The following GCKR variants were observed in gnomAD, a reference collection of about 807,000 sequenced individuals.
The protein encoded by GCKR is glucokinase regulatory protein.
In GCKR, 73 loss-of-function variants were observed where a neutral mutation model predicts 82.9. The observed-to-expected ratio is 0.88, with a 90% CI of 0.73 to 1.07. The LOEUF is 1.07. GCKR is among the 50% of genes least tolerant of loss of function. The pLI is 0.00. For missense variants in GCKR, 784 were observed against 782.1 expected (o/e 1.00, Z -0.03); for synonymous variants, 294 against 291.8 (o/e 1.01, Z -0.08).
chr2:27,498,191 A>G, intron 3 of GCKR, 64 bp from the exon 4 acceptor site: 2 of 1,255,422 alleles, frequency 1.6e-6, no homozygotes, highest in Admixed American at 1.7e-5. Context: ...ACTGACAAAG[A>G]AAAGAATATT....
intron 8 of GCKR, 122 bp from the exon 9 acceptor site, chr2:27,503,392 G>C (rs543001391): frequency 4.0e-5 from 29 of 717,430 alleles, no homozygotes; most frequent in African/African-American, 1.4e-4. Flanking sequence ...GCATATGTCT[G>C]TATGAAGTTG....
In GCKR at chr2:27,523,292, C is replaced by A; in HGVS notation, c.1731C>A (p.Ser577Arg). ...KEQVIPIALL[S>R]LLFRCSITEA... ...AGGTGATACCCATCGCCTTGCTGAG[C>A]CTCCTATTCCGGTGCTCGATCACTG... Residue 577 changes from serine (S) to arginine (R), a missense_variant, in exon 19 of 19, where the codon AGC (serine) becomes AGA (arginine). Transcript: ENST00000264717. 3 of 1,612,972 alleles carry A rather than the reference C, an allele frequency of 1.9e-6. No individual in the cohort carries two copies. The highest frequency in any genetic ancestry group is 8.5e-7 in the Non-Finnish European group (1 of 1,179,818).
chr2:27,518,159 C>T (rs928253988), intron 16 of GCKR, among the ~76,000 whole-genome samples: 1 of 152,174 alleles, frequency 6.6e-6, no homozygotes, highest in Non-Finnish European at 1.5e-5. Flanking sequence ...GATTCTTGTG[C>T]CTCAGCCCCC....
intron 17 of GCKR, among the ~76,000 whole-genome samples, chr2:27,521,164 T>C (rs954872090): frequency 2.6e-5 from 4 of 152,176 alleles, no homozygotes; most frequent in African/African-American, 9.7e-5. Flanking sequence ...TTGCAAAATA[T>C]CTGACTAATA....
chr2:27,518,955 C>G lies in GCKR; in HGVS notation c.1572+18C>G. ...TGCTGCAGGTAGGGATATGATGGGG[C>G]AGGGTTGGGTGGGACCTGGCCTCAA... On this transcript the variant is annotated intron_variant, in intron 17 of 18. Transcript: ENST00000264717. The G allele has an allele frequency of 6.8e-7, 1 of 1,467,950 alleles. No individual in the cohort carries two copies. Among genetic ancestry groups the G allele is most frequent in the Non-Finnish European group, 9.4e-7 (1 of 1,060,304 alleles). 90.9% of individuals were successfully genotyped at this position (1,467,950 alleles called of 1,614,324 possible).
chr2:27,517,864 A>T (rs975509207), intron 16 of GCKR, among the ~76,000 whole-genome samples: 14 of 152,184 alleles, frequency 9.2e-5, no homozygotes, highest in African/African-American at 3.1e-4. Context: ...CAAAGTAGGA[A>T]ATGCCCTCAT....
intron 16 of GCKR, among the ~76,000 whole-genome samples, chr2:27,516,437 C>T (rs1458786669): frequency 7.3e-5 from 11 of 151,512 alleles, no homozygotes; most frequent in Non-Finnish European, 1.2e-4. Context: ...ATTACAGGCA[C>T]GCGCCACTAC....
chr2:27,507,566 G>A (rs1335682846), intron 13 of GCKR, 115 bp from the exon 14 acceptor site: 1 of 744,446 alleles, frequency 1.3e-6, no homozygotes, highest in Non-Finnish European at 2.5e-6. Context: ...TTGAACTTCA[G>A]CTCTTTCACC....
intron 16 of GCKR, among the ~76,000 whole-genome samples, chr2:27,510,461 A>G (rs1669855283): frequency 6.6e-6 from 1 of 152,202 alleles, no homozygotes; most frequent in Non-Finnish European, 1.5e-5. Flanking sequence ...TCTTTTAGGC[A>G]TTTGACTTGT....
chr2:27,522,655 A>C lies in GCKR; in HGVS notation c.1707+61A>C, dbSNP rs963097608. The stretch of plus-strand genomic sequence containing the variant: ...TTTTGAGTACTTTCAGTGTGTCAGG[A>C]AGTTTGTTCGGCACTGGGTTTACAA... On this transcript the variant is annotated intron_variant, in intron 18 of 18. Transcript: ENST00000264717. 2.1e-6 allele frequency: 3 copies of C among 1,442,132 alleles called. No individual in the cohort carries two copies. In the African/African-American group the frequency reaches 4.2e-5, roughly 20 times the overall value. The allele number at this position is 1,442,132 out of a possible 1,614,324, so 89.3% of individuals were successfully genotyped here.
chr2:27,499,510 A>G, intron 7 of GCKR, 60 bp downstream of exon 7: 1 of 1,108,138 alleles, frequency 9.0e-7, no homozygotes, highest in Admixed American at 1.7e-5. Context: ...GTGGGAATGG[A>G]ATAGCATGGA....
intron 11 of GCKR, 74 bp downstream of exon 11, chr2:27,506,653 A>G (rs903792650): frequency 1.1e-5 from 13 of 1,167,458 alleles, no homozygotes; most frequent in Non-Finnish European, 1.3e-5. Context: ...ACTCTGTGAG[A>G]CATGTTAACA....
At chr2:27,501,816 C>A (rs1029946363) in intron 8 of GCKR, 1 of 470,438 alleles carries the variant, frequency 2.1e-6, no homozygotes, top group African/African-American at 2.0e-5. Context: ...CAGAATAAAT[C>A]AACATATTAA....
At chr2:27,514,266 T>C (rs8179224) in intron 16 of GCKR, among the ~76,000 whole-genome samples, 329 of 152,036 alleles carry the variant, frequency 2.2e-3, no homozygotes, top group African/African-American at 7.1e-3. Flanking sequence ...TATATATATA[T>C]ACACACACAT....
At chr2:27,522,078 C>A (rs1164859303) in intron 17 of GCKR, among the ~76,000 whole-genome samples, 1 of 152,056 alleles carries the variant, frequency 6.6e-6, no homozygotes, top group Non-Finnish European at 1.5e-5. Flanking sequence ...AGGGTAGTGA[C>A]AAAATGGAAG....
rs1424676362 is a variant in GCKR, at chr2:27,522,539, A to C, written c.1652A>C (p.Asp551Ala). Residue 551 changes from aspartate (D) to alanine (A), a missense_variant, in exon 18 of 19, where the codon GAT becomes GCT. By Grantham distance (126) the Asp-to-Ala change is moderately radical. Coordinates refer to ENST00000264717, the MANE Select transcript of GCKR (RefSeq NM_001486.4). The stretch of plus-strand genomic sequence containing the variant: ...CACTTTCCCCAGCCACTGTCAGATG[A>C]TATTCGGGCTGCTCCCATCTCCTGC... Reference protein sequence around the residue: ...AIHFPQPLSDDIRAAPISCHV... With the variant: ...AIHFPQPLSDAIRAAPISCHV... 1 of 1,614,040 alleles carries C rather than the reference A, an allele frequency of 6.2e-7. No individual in the cohort carries two copies. Among genetic ancestry groups the C allele is most frequent in the Admixed American group, 1.7e-5 (1 of 60,012 alleles).
At chr2:27,498,864 A>G in intron 5 of GCKR, 67 bp downstream of exon 5, 1 of 933,934 alleles carries the variant, frequency 1.1e-6, no homozygotes, top group South Asian at 1.3e-5. Flanking sequence ...TTGAGTTGGA[A>G]TACCTTTAGA....
At chr2:27,511,415 T>C (rs1669878455) in intron 16 of GCKR, among the ~76,000 whole-genome samples, 1 of 151,806 alleles carries the variant, frequency 6.6e-6, no homozygotes, top group African/African-American at 2.4e-5. Context: ...GAAATATTTT[T>C]GACAGACGCC....
chr2:27,499,188 G>C lies in GCKR; in HGVS notation c.475G>C (p.Gly159Arg), dbSNP rs758692756. 1.2e-6 allele frequency: 2 copies of C among 1,610,694 alleles called. No individual in the cohort carries two copies. The highest frequency in any genetic ancestry group is 2.2e-5 in the South Asian group (2 of 90,992). The change falls in exon 6 of 19, where the codon GGG becomes CGG. Residue 159 changes from glycine (G) to arginine (R), a missense_variant. Physicochemically the swap from Gly to Arg is moderately radical, Grantham distance 125. Transcript: ENST00000264717. ...REGTEDSALH[G>R]IEELKKVAAG... ...GGGGACAGAAGATAGTGCCTTGCAC[G>C]GGATTGAGGAACTGAAGAAGGTCTG... is the stretch of plus-strand genomic sequence containing the variant.
Sources: gnomAD v4.1 joint callset for allele counts (sites outside exome capture counted in the v4.1 genomes callset) on GRCh38, gnomAD v4.1.1 for gene constraint, MANE v1.5 for transcripts, NCBI Gene and HGNC (gene_info 2026-07-23, HGNC 2026-07-21) for gene names.